The following SCAI variants were observed in gnomAD, a reference collection of about 807,000 sequenced individuals.
The protein encoded by SCAI is protein SCAI.
SCAI carries 24 observed loss-of-function variants against 92.2 expected under a neutral mutation model. The observed-to-expected ratio is 0.26, with a 90% CI of 0.19 to 0.37. The LOEUF (loss-of-function observed/expected upper bound fraction) is 0.37. Ranked by LOEUF, SCAI falls within the 10% of genes least tolerant of loss-of-function variation. The pLI is 1.00. For synonymous variants in SCAI, 261 were observed against 258.6 expected, an observed-to-expected ratio of 1.01 and a Z score of -0.09; for missense variants, 450 against 736.2, an observed-to-expected ratio of 0.61 and a Z score of 4.50.
chr9:124,989,123 G>A (rs1346021586), intron 14 of SCAI, among the ~76,000 whole-genome samples: 1 of 152,092 alleles, frequency 6.6e-6, no homozygotes, highest in Non-Finnish European at 1.5e-5. Flanking sequence ...TGGTTGGCAA[G>A]AGTGAAACTC....
At chr9:125,039,743 T>C (rs368695707) in intron 3 of SCAI, among the ~76,000 whole-genome samples, 1 of 152,170 alleles carries the variant, frequency 6.6e-6, no homozygotes, top group Admixed American at 6.6e-5. Flanking sequence ...GTTTTAAGAC[T>C]TGCAATAGAG....
At chr9:125,017,940 T>C (rs1157372855) in intron 9 of SCAI, among the ~76,000 whole-genome samples, 11 of 151,470 alleles carry the variant, frequency 7.3e-5, no homozygotes, top group Non-Finnish European at 1.6e-4. Context: ...ACCTGGGAGA[T>C]GGAGGTTGCA....
chr9:124,989,827 G>A (rs1266480435), intron 14 of SCAI, among the ~76,000 whole-genome samples: 1 of 146,050 alleles, frequency 6.8e-6, no homozygotes, highest in African/African-American at 2.6e-5. Context: ...AGGCTGCAGT[G>A]AGCTGAGATT....
intron 2 of SCAI, among the ~76,000 whole-genome samples, chr9:125,058,320 C>G (rs1442920981): frequency 2.0e-5 from 3 of 151,910 alleles, no homozygotes; most frequent in African/African-American, 7.3e-5. Context: ...TTGAGACCAG[C>G]CTGGGCAACA....
chr9:125,018,447 A>G (rs984607089), intron 9 of SCAI, among the ~76,000 whole-genome samples: 71 of 152,236 alleles, frequency 4.7e-4, no homozygotes, highest in African/African-American at 1.7e-3. Context: ...AAAATCCCCT[A>G]TAATTTGGTT....
chr9:125,047,501 A>T (rs2131122386), intron 3 of SCAI, among the ~76,000 whole-genome samples: 1 of 152,336 alleles, frequency 6.6e-6, no homozygotes, highest in East Asian at 1.9e-4. Flanking sequence ...GTGGTTGGAG[A>T]CAAATTACCA....
chr9:124,947,105 T>C lies in SCAI; in HGVS notation c.*5702A>G, dbSNP rs910446897. 4 of 152,206 alleles carry C rather than the reference T, an allele frequency of 2.6e-5. No individual in the cohort carries two copies. The highest frequency in any genetic ancestry group is 2.6e-4 in the Admixed American group (4 of 15,276). 9.4% of individuals were successfully genotyped at this position (152,206 alleles called of 1,614,324 possible). A position where few individuals can be genotyped will look rare whatever the true frequency, so the allele number is the denominator to read the frequency against. On this transcript the variant is annotated 3_prime_UTR_variant, in exon 18 of 18. Coordinates refer to ENST00000336505, the MANE Select transcript of SCAI (RefSeq NM_001144877.3). Reference sequence around the variant, plus strand: ...ATTGTTCCAAAATCAAAATTCAGTATGAGGCATAAAAATGACAACTGGGAA... The same window carrying C: ...ATTGTTCCAAAATCAAAATTCAGTACGAGGCATAAAAATGACAACTGGGAA...
chr9:125,119,292 T>C (rs2131246227), intron 2 of SCAI, among the ~76,000 whole-genome samples: 1 of 152,334 alleles, frequency 6.6e-6, no homozygotes, highest in East Asian at 1.9e-4. Context: ...GCCTTCACGG[T>C]CACACATGTG....
chr9:125,080,866 G>A (rs779466273), intron 2 of SCAI, among the ~76,000 whole-genome samples: 2 of 152,212 alleles, frequency 1.3e-5, no homozygotes, highest in Admixed American at 6.5e-5. Context: ...CGTGTTGTGG[G>A]AGGGACCCAG....
chr9:124,974,025 T>A (rs1407227152), intron 15 of SCAI: 2 of 246,248 alleles, frequency 8.1e-6, no homozygotes, highest in East Asian at 3.0e-4. Flanking sequence ...TAGTCAGGAG[T>A]TCCTCGTCCA....
chr9:125,136,103 C>T (rs1835519517), intron 2 of SCAI, among the ~76,000 whole-genome samples: 1 of 150,370 alleles, frequency 6.7e-6, no homozygotes, highest in Non-Finnish European at 1.5e-5. Context: ...CTACATTCAA[C>T]AATTAACTTA....
intron 2 of SCAI, among the ~76,000 whole-genome samples, chr9:125,134,247 C>T (rs940610842): frequency 6.6e-6 from 1 of 152,130 alleles, no homozygotes. Flanking sequence ...TACCACTATG[C>T]AGAATTCCTA....
chr9:125,036,635 G>A (rs1833202522), intron 3 of SCAI, among the ~76,000 whole-genome samples: 1 of 151,968 alleles, frequency 6.6e-6, no homozygotes, highest in Non-Finnish European at 1.5e-5. Context: ...TTCATTTTTT[G>A]AATTGGTAAT....
At chr9:124,991,621 G>A (rs935886309) in intron 14 of SCAI, among the ~76,000 whole-genome samples, 2 of 151,716 alleles carry the variant, frequency 1.3e-5, no homozygotes, top group African/African-American at 2.4e-5. Context: ...GGCGGATCAC[G>A]AGGTCAGGAG....
At chr9:125,135,071 C>A (rs1319137671) in intron 2 of SCAI, among the ~76,000 whole-genome samples, 1 of 152,226 alleles carries the variant, frequency 6.6e-6, no homozygotes, top group Admixed American at 6.5e-5. Context: ...CCATCCCACA[C>A]TAACTCCTCT....
intron 17 of SCAI, among the ~76,000 whole-genome samples, chr9:124,970,416 T>C (rs981371902): frequency 2.6e-5 from 4 of 151,654 alleles, no homozygotes; most frequent in Non-Finnish European, 4.4e-5. Flanking sequence ...GAAAAATGAA[T>C]GATTAAAAAA....
intron 17 of SCAI, among the ~76,000 whole-genome samples, chr9:124,963,918 C>T (rs1831492436): frequency 6.6e-6 from 1 of 151,702 alleles, no homozygotes; most frequent in Non-Finnish European, 1.5e-5. Context: ...GTCTTGCTGT[C>T]TCAGGGGTGG....
chr9:125,087,257 T>C (rs952505762), intron 2 of SCAI, among the ~76,000 whole-genome samples: 5 of 152,256 alleles, frequency 3.3e-5, no homozygotes, highest in African/African-American at 1.2e-4. Context: ...GCCAGTAGCA[T>C]TGATTGATAC....
At chr9:125,065,287 A>G (rs1833851621) in intron 2 of SCAI, among the ~76,000 whole-genome samples, 1 of 152,170 alleles carries the variant, frequency 6.6e-6, no homozygotes, top group Non-Finnish European at 1.5e-5. Context: ...AAACAAAAAG[A>G]TCACAAAAGG....
Sources: gnomAD v4.1 joint callset for allele counts (sites outside exome capture counted in the v4.1 genomes callset) on GRCh38, gnomAD v4.1.1 for gene constraint, MANE v1.5 for transcripts, NCBI Gene and HGNC (gene_info 2026-07-23, HGNC 2026-07-21) for gene names.